The following PARL variants were observed in gnomAD, a reference collection of about 807,000 sequenced individuals.
PARL encodes the protein presenilin-associated rhomboid-like protein, mitochondrial.
A neutral mutation model predicts 51.6 loss-of-function variants in PARL; 44 were observed. The observed-to-expected ratio is 0.85, with a 90% CI of 0.67 to 1.10. PARL has a LOEUF of 1.10. PARL is among the 50% of genes least tolerant of loss of function. The probability of loss-of-function intolerance (pLI) is 0.00; values close to 1 mark genes in which losing one functional copy is unlikely to be tolerated. For missense variants in PARL, 441 were observed against 469.5 expected (o/e 0.94, Z 0.56); for synonymous variants, 172 against 164.0 (o/e 1.05, Z -0.37).
chr3:183,844,404 G>C (rs1355581621), intron 4 of PARL, 78 bp from the exon 5 acceptor site: 8 of 914,134 alleles, frequency 8.8e-6, no homozygotes, highest in South Asian at 4.1e-5. Context: ...CCCCTTGTAA[G>C]ATTCTTCCAC....
At chr3:183,882,931 T>A (rs527978086) in intron 1 of PARL, among the ~76,000 whole-genome samples, 1 of 152,326 alleles carries the variant, frequency 6.6e-6, no homozygotes, top group African/African-American at 2.4e-5. Flanking sequence ...ATATAGCTAA[T>A]AAAGGTTATA....
chr3:183,865,339 C>G (rs1732342142), intron 3 of PARL, among the ~76,000 whole-genome samples: 1 of 152,094 alleles, frequency 6.6e-6, no homozygotes, highest in Non-Finnish European at 1.5e-5. Context: ...TAGCTCTATC[C>G]CTAAGGCATG....
chr3:183,840,711 T>C, intron 6 of PARL, 71 bp from the exon 7 acceptor site: 2 of 606,072 alleles, frequency 3.3e-6, no homozygotes, highest in Non-Finnish European at 5.5e-6. Context: ...TTTCTTTTCT[T>C]TTTTTTTTTT....
At chr3:183,874,845 G>A (rs989861389) in intron 1 of PARL, among the ~76,000 whole-genome samples, 21 of 152,308 alleles carry the variant, frequency 1.4e-4, no homozygotes, top group African/African-American at 5.1e-4. Flanking sequence ...GCTAAGGCAG[G>A]AAGATCACTT....
intron 4 of PARL, among the ~76,000 whole-genome samples, chr3:183,854,556 A>T (rs941727915): frequency 1.3e-5 from 2 of 152,144 alleles, no homozygotes; most frequent in Non-Finnish European, 2.9e-5. Flanking sequence ...AAAAGGAAGT[A>T]GAATGGTGGT....
intron 1 of PARL, chr3:183,879,516 T>G (rs1734197424): frequency 6.5e-6 from 1 of 152,992 alleles, no homozygotes; most frequent in African/African-American, 2.4e-5. Context: ...TGGTGACAAT[T>G]TGAGACACTG....
chr3:183,866,275 A>T (rs1055357460), intron 3 of PARL, among the ~76,000 whole-genome samples: 1 of 152,224 alleles, frequency 6.6e-6, no homozygotes, highest in African/African-American at 2.4e-5. Context: ...AACAGTAATC[A>T]ATACTTACTG....
At chr3:183,863,124 C>G (rs1188223018) in intron 3 of PARL, among the ~76,000 whole-genome samples, 2 of 152,098 alleles carry the variant, frequency 1.3e-5, no homozygotes, top group East Asian at 1.9e-4. Flanking sequence ...TAATGTAAAG[C>G]CCCTAGCACA....
chr3:183,861,055 A>G (rs905381237), intron 4 of PARL: 1 of 154,232 alleles, frequency 6.5e-6, no homozygotes, highest in East Asian at 1.9e-4. Context: ...ACCTCAGGTG[A>G]TCTGCCCGCC....
chr3:183,840,371 A>C (rs1031167768), intron 7 of PARL, among the ~76,000 whole-genome samples, 199 bp downstream of exon 7: 7 of 152,232 alleles, frequency 4.6e-5, no homozygotes, highest in Non-Finnish European at 1.5e-5. Context: ...ACATTTACAA[A>C]GCTTTACAAA....
chr3:183,884,837 GCCA>G lies in PARL; in HGVS notation c.7_9del (p.Trp3del). 3 of 1,597,120 alleles carry G rather than the reference GCCA, an allele frequency of 1.9e-6. No individual in the cohort carries two copies. Among genetic ancestry groups the G allele is most frequent in the Non-Finnish European group, 2.5e-6 (3 of 1,179,170 alleles). ...CCCCAGCCTCTCTGCGCCCAGCCTCGCCACGCCATCTTCCCAACCTCTGCCCCA... is the reference window on the plus strand; with the variant it reads ...CCCCAGCCTCTCTGCGCCCAGCCTCGCGCCATCTTCCCAACCTCTGCCCCA... On this transcript the variant is annotated inframe_deletion, in exon 1 of 10. Coordinates refer to ENST00000317096, the MANE Select transcript of PARL (RefSeq NM_018622.7).
intron 1 of PARL, among the ~76,000 whole-genome samples, chr3:183,874,899 C>T (rs1031449989): frequency 6.6e-6 from 1 of 152,136 alleles, no homozygotes; most frequent in African/African-American, 2.4e-5. Context: ...TAGTGAGATC[C>T]TGTCTCTATA....
chr3:183,843,631 C>G (rs1412535151), intron 5 of PARL, among the ~76,000 whole-genome samples: 1 of 152,046 alleles, frequency 6.6e-6, no homozygotes, highest in Non-Finnish European at 1.5e-5. Flanking sequence ...GAGATCGAGA[C>G]CATCCTGGCT....
chr3:183,865,596 T>G (rs1676649342), intron 3 of PARL, among the ~76,000 whole-genome samples: 1 of 152,108 alleles, frequency 6.6e-6, no homozygotes, highest in South Asian at 2.1e-4. Flanking sequence ...GGCACGCTCC[T>G]TATGAGAATC....
chr3:183,838,340 T>C (rs1374254814), intron 7 of PARL, among the ~76,000 whole-genome samples: 1 of 152,250 alleles, frequency 6.6e-6, no homozygotes, highest in Non-Finnish European at 1.5e-5. Context: ...CCCTGCATCT[T>C]ATAACGTCTC....
intron 1 of PARL, among the ~76,000 whole-genome samples, chr3:183,871,706 A>G (rs1733237259): frequency 6.6e-6 from 1 of 152,142 alleles, no homozygotes; most frequent in Non-Finnish European, 1.5e-5. Flanking sequence ...TAGATGAGCG[A>G]TTGCCTGGAA....
Position 183,829,694 on chromosome 3 carries a change from G to A in PARL, c.1044C>T (p.Tyr348=), listed in dbSNP as rs761973588. The change falls in exon 10 of 10, where the codon TAC becomes TAT. Residue 348 remains tyrosine, a synonymous_variant. Coordinates refer to ENST00000317096, the MANE Select transcript of PARL (RefSeq NM_018622.7). ...TGTTCTTCCAAATCAGTTCATGACC[G>A]TAAGTAACATACCATCTGGAGAAAA... The part of the protein sequence containing the change: ...GALFGIWYVT[Y]GHELIWKNRE... 7.4e-6 allele frequency: 12 copies of A among 1,613,858 alleles called. No individual in the cohort carries two copies. The highest frequency in any genetic ancestry group is 6.7e-5 in the East Asian group (3 of 44,888).
intron 1 of PARL, among the ~76,000 whole-genome samples, chr3:183,869,905 A>C (rs1306680782): frequency 6.6e-6 from 1 of 152,026 alleles, no homozygotes; most frequent in Non-Finnish European, 1.5e-5. Flanking sequence ...GAATTAACTC[A>C]TTCTCCTCTA....
chr3:183,857,398 C>A (rs1731295049), intron 4 of PARL, among the ~76,000 whole-genome samples: 2 of 151,964 alleles, frequency 1.3e-5, no homozygotes, highest in South Asian at 4.2e-4. Context: ...GTATATTATA[C>A]CTCAATAAAA....
Sources: gnomAD v4.1 joint callset for allele counts (sites outside exome capture counted in the v4.1 genomes callset) on GRCh38, gnomAD v4.1.1 for gene constraint, MANE v1.5 for transcripts, NCBI Gene and HGNC (gene_info 2026-07-23, HGNC 2026-07-21) for gene names.